The following MYO5B variants were observed in gnomAD, a reference collection of about 807,000 sequenced individuals.
The protein encoded by MYO5B is myosin VB.
In MYO5B, 143 loss-of-function variants were observed where a neutral mutation model predicts 229.3. The observed-to-expected ratio is 0.62, with a 90% CI of 0.54 to 0.72. MYO5B has a LOEUF of 0.72. Ranked by LOEUF, MYO5B falls within the 30% of genes least tolerant of loss-of-function variation. The pLI is 0.00. For missense variants in MYO5B, 2,321 were observed against 2,331.0 expected (o/e 1.00, Z 0.09); for synonymous variants, 918 against 885.2 (o/e 1.04, Z -0.66).
At chr18:49,937,672 G>A (rs1376581668) in intron 14 of MYO5B, among the ~76,000 whole-genome samples, 1 of 152,066 alleles carries the variant, frequency 6.6e-6, no homozygotes, top group African/African-American at 2.4e-5. Context: ...ATGACCTCCT[G>A]ATCCATGCCA....
chr18:50,142,241 A>G (rs2144288060), intron 1 of MYO5B, among the ~76,000 whole-genome samples: 1 of 152,174 alleles, frequency 6.6e-6, no homozygotes, highest in Admixed American at 6.5e-5. Context: ...TGACGGAGCA[A>G]CCCTCCCAGA....
intron 2 of MYO5B, among the ~76,000 whole-genome samples, chr18:50,049,042 A>T (rs1239505802): frequency 2.2e-5 from 3 of 134,102 alleles, no homozygotes; most frequent in Non-Finnish European, 4.9e-5. Context: ...AAAAAAAAAA[A>T]GTGTGAAGTT....
intron 4 of MYO5B, among the ~76,000 whole-genome samples, chr18:50,028,678 T>C (rs2026357177): frequency 6.6e-6 from 1 of 152,208 alleles, no homozygotes; most frequent in Non-Finnish European, 1.5e-5. Flanking sequence ...ATGTAACTCA[T>C]TTGAGAAAGC....
At chr18:50,097,995 G>T (rs530054131) in intron 1 of MYO5B, among the ~76,000 whole-genome samples, 3 of 152,272 alleles carry the variant, frequency 2.0e-5, no homozygotes, top group South Asian at 2.1e-4. Context: ...TGCCAAAGAG[G>T]CTAGTGGTAT....
In MYO5B at chr18:49,894,843, G is replaced by A. The variant is rs2024758960; in HGVS notation, c.3045+98C>T. The A allele has an allele frequency of 2.8e-6, 3 of 1,055,006 alleles. No individual in the cohort carries two copies. The Admixed American group carries it at 5.4e-5, about 19-fold the overall frequency. The allele number at this position is 1,055,006 out of a possible 1,614,324, so 65.4% of individuals were successfully genotyped here. On this transcript the variant is annotated intron_variant, in intron 22 of 39. Coordinates refer to ENST00000285039, the MANE Select transcript of MYO5B (RefSeq NM_001080467.3). The stretch of plus-strand genomic sequence containing the variant: ...CTGTGCACATGAGCCCAAGACCATG[G>A]CAATTTTACCACTTGAAGCAGCAGT...
In MYO5B at chr18:50,133,233, A is replaced by C. The variant is rs145987581; in HGVS notation, c.27+61534T>G. Among the ~76,000 whole-genome samples, 696 of 149,796 alleles carry C rather than the reference A, an allele frequency of 4.6e-3. 7 individuals carry two copies. Among genetic ancestry groups the C allele is most frequent in the African/African-American group, 0.016 (654 of 41,178 alleles). ...GCAAAAAGAGATTCAAGCCATACAG[A>C]AACACTATTTTTGTTCTCTGTCTTC... On this transcript the variant is annotated intron_variant, in intron 1 of 39. Transcript: ENST00000285039.
Position 49,891,756 on chromosome 18 carries a change from A to G in MYO5B, c.3045+3185T>C, listed in dbSNP as rs139106300. The stretch of plus-strand genomic sequence containing the variant: ...TATGAGAGCCCCCATTCCCCAAGCC[A>G]GATCTCTCTACCTCTATTTGGAGAA... On this transcript the variant is annotated intron_variant, in intron 22 of 39. Transcript: ENST00000285039. Among the ~76,000 whole-genome samples the G allele has an allele frequency of 4.1e-3, 622 of 152,336 alleles. 5 individuals are homozygous for G. Among genetic ancestry groups the G allele is most frequent in the African/African-American group, 0.014 (581 of 41,572 alleles).
intron 1 of MYO5B, among the ~76,000 whole-genome samples, chr18:50,141,603 T>C (rs1182658781): frequency 6.6e-6 from 1 of 151,984 alleles, no homozygotes; most frequent in Non-Finnish European, 1.5e-5. Context: ...GATATGGCCA[T>C]ACCCTACCCT....
At chr18:49,926,715 A>G (rs954558689) in intron 17 of MYO5B, among the ~76,000 whole-genome samples, 12 of 152,208 alleles carry the variant, frequency 7.9e-5, no homozygotes, top group Admixed American at 2.0e-4. Flanking sequence ...GTTATTTTTT[A>G]ACTCAAAGAA....
intron 17 of MYO5B, among the ~76,000 whole-genome samples, chr18:49,927,997 C>G (rs1265460483): frequency 6.6e-6 from 1 of 152,090 alleles, no homozygotes; most frequent in Non-Finnish European, 1.5e-5. Flanking sequence ...ATACATCCAA[C>G]AAAGGACTAA....
intron 1 of MYO5B, among the ~76,000 whole-genome samples, chr18:50,098,216 C>T (rs1404087963): frequency 6.6e-6 from 1 of 152,202 alleles, no homozygotes; most frequent in African/African-American, 2.4e-5. Context: ...TATACTTCAA[C>T]AACAGTTAAT....
chr18:49,962,952 G>A lies in MYO5B; in HGVS notation c.1401C>T (p.Asn467=). 1 of 1,613,812 alleles carries A rather than the reference G, an allele frequency of 6.2e-7. No homozygotes were observed. The highest frequency in any genetic ancestry group is 8.5e-7 in the Non-Finnish European group (1 of 1,179,716). Residue 467 remains asparagine (N), a synonymous_variant, in exon 11 of 40, where the codon AAC becomes AAT. Coordinates refer to ENST00000285039, the MANE Select transcript of MYO5B (RefSeq NM_001080467.3). ...CAGGTCTAGAAACCAAGCCTACCGA[G>A]TTGAACTGCTGCTGGAGCTTTTCAT... ...YANEKLQQQF[N]SHVFKLEQEE... is the part of the protein sequence containing the mutation.
chr18:49,971,115 T>C (rs1235658525), intron 10 of MYO5B, among the ~76,000 whole-genome samples: 1 of 152,160 alleles, frequency 6.6e-6, no homozygotes, highest in Non-Finnish European at 1.5e-5. Context: ...GGGATATGAA[T>C]AGAAAACTCA....
At chr18:49,843,574 C>T (rs569736860) in intron 33 of MYO5B, among the ~76,000 whole-genome samples, 182 bp from the exon 34 acceptor site, 17 of 152,346 alleles carry the variant, frequency 1.1e-4, no homozygotes, top group African/African-American at 4.1e-4. Context: ...GCATGCCTAC[C>T]AGTAGTTTCA....
intron 1 of MYO5B, among the ~76,000 whole-genome samples, chr18:50,118,821 T>C (rs2032011685): frequency 6.6e-6 from 1 of 152,082 alleles, no homozygotes; most frequent in African/African-American, 2.4e-5. Context: ...AGATGGGGTT[T>C]CGCCGCGTTA....
intron 1 of MYO5B, among the ~76,000 whole-genome samples, chr18:50,152,986 G>A (rs2032624084): frequency 6.6e-6 from 1 of 151,230 alleles, no homozygotes; most frequent in Non-Finnish European, 1.5e-5. Context: ...TATTTTCCTT[G>A]TGAAAAATGC....
At chr18:50,031,886 A>G (rs1476001487) in intron 4 of MYO5B, among the ~76,000 whole-genome samples, 1 of 152,230 alleles carries the variant, frequency 6.6e-6, no homozygotes, top group African/African-American at 2.4e-5. Flanking sequence ...CAAACCCAGC[A>G]TAATGGATCC....
intron 4 of MYO5B, among the ~76,000 whole-genome samples, chr18:50,022,125 A>AC: frequency 6.6e-6 from 1 of 151,984 alleles, no homozygotes; most frequent in African/African-American, 2.4e-5. Flanking sequence ...GAGTCAGCAA[A>AC]TAGAACTTCC....
rs114113725 is a variant in MYO5B, at chr18:49,866,557, T to C, written c.3604-2177A>G. Among the ~76,000 whole-genome samples the C allele has an allele frequency of 5.8e-3, 878 of 152,314 alleles. 8 individuals are homozygous for C. Among genetic ancestry groups the C allele is most frequent in the African/African-American group, 0.02 (813 of 41,560 alleles). On this transcript the variant is annotated intron_variant, in intron 27 of 39. Coordinates refer to ENST00000285039, the MANE Select transcript of MYO5B (RefSeq NM_001080467.3). ...ATCATTCTACTTTCTGTCTCTGAGT[T>C]TGAACCTTCTAGGTACCTCATATAA...
Sources: allele counts gnomAD v4.1 joint callset (sites outside exome capture counted in the v4.1 genomes callset), GRCh38; gene constraint gnomAD v4.1.1; transcripts MANE v1.5; gene names NCBI Gene and HGNC (gene_info 2026-07-23, HGNC 2026-07-21).